The following CIBAR2 variants were observed in gnomAD, a reference collection of about 807,000 sequenced individuals.
CIBAR2 encodes CBY1 interacting BAR domain containing 2.
CIBAR2 carries 38 observed loss-of-function variants against 36.2 expected under a neutral mutation model. The observed-to-expected ratio is 1.05, with a 90% CI of 0.81 to 1.38. The LOEUF is 1.38. Ranked by LOEUF, CIBAR2 falls within the 40% of genes most tolerant of loss-of-function variation. The pLI, the probability that CIBAR2 is intolerant of heterozygous loss-of-function variation, is 0.00. For synonymous variants in CIBAR2, 182 were observed against 149.5 expected (o/e 1.22, Z -1.58); for missense variants, 481 against 383.4 (o/e 1.25, Z -2.13).
chr16:85,100,940 G>A (rs543267660), intron 7 of CIBAR2, among the ~76,000 whole-genome samples: 6 of 152,252 alleles, frequency 3.9e-5, no homozygotes, highest in African/African-American at 9.6e-5. Flanking sequence ...CCAGCTACTC[G>A]GGAGGCGGAG....
intron 2 of CIBAR2, among the ~76,000 whole-genome samples, chr16:85,108,864 G>T (rs1010347582): frequency 1.2e-4 from 19 of 152,084 alleles, no homozygotes; most frequent in African/African-American, 4.3e-4. Context: ...AACAGAGCGA[G>T]ACTCCATCTC....
Position 85,108,044 on chromosome 16 carries a change from A to C in CIBAR2, c.311T>G (p.Ile104Ser). 6.2e-7 allele frequency: 1 copy of C among 1,613,742 alleles called. No individual in the cohort carries two copies. Among genetic ancestry groups the C allele is most frequent in the Non-Finnish European group, 8.5e-7 (1 of 1,179,786 alleles). ...VNPLKLYGAQ[I>S]KQTRAEIKKF... Reference sequence around the variant, plus strand: ...GCCCCGGCTCACCCGTGTCTGCTTGATCTGTGCCCCGTAGAGCTTCAGGGG... The same window carrying C: ...GCCCCGGCTCACCCGTGTCTGCTTGCTCTGTGCCCCGTAGAGCTTCAGGGG... Residue 104 changes from isoleucine (I) to serine (S), a missense_variant, in exon 3 of 9, where the codon ATC (isoleucine) becomes AGC (serine). Ile to Ser is a moderately radical substitution (Grantham distance 142). Transcript: ENST00000539556.
chr16:85,100,188 A>G lies in CIBAR2; in HGVS notation c.704T>C (p.Leu235Pro). ...AGATGGAGGGGGGCTGGTGTTGGCAAGCAGCCGAGTGTCATAATGCCCATA... is the reference window on the plus strand; with the variant it reads ...AGATGGAGGGGGGCTGGTGTTGGCAGGCAGCCGAGTGTCATAATGCCCATA... ...GVYGHYDTRL[L>P]ANTSPPPSVL... The change falls in exon 8 of 9, where the codon CTT becomes CCT. Residue 235 changes from leucine (L) to proline (P), a missense_variant. Transcript: ENST00000539556. 1 of 1,611,746 alleles carries G rather than the reference A, an allele frequency of 6.2e-7. No individual in the cohort carries two copies. The highest frequency in any genetic ancestry group is 8.5e-7 in the Non-Finnish European group (1 of 1,179,272).
At chr16:85,112,063 A>T (rs937445511) in intron 1 of CIBAR2, among the ~76,000 whole-genome samples, 1 of 152,230 alleles carries the variant, frequency 6.6e-6, no homozygotes, top group Non-Finnish European at 1.5e-5. Flanking sequence ...GGAGGCGAGA[A>T]AGGAAAGGGG....
Position 85,100,473 on chromosome 16 carries a change from A to T in CIBAR2, c.652-233T>A, listed in dbSNP as rs1420648845. 4.6e-5 allele frequency among the ~76,000 whole-genome samples: 7 copies of T among 152,346 alleles called. No individual in the cohort carries two copies. In the East Asian group the frequency reaches 1.2e-3, roughly 25 times the overall value. On this transcript the variant is annotated intron_variant, in intron 7 of 8. Coordinates refer to ENST00000539556, the MANE Select transcript of CIBAR2 (RefSeq NM_198491.3). ...TGGGAGAGGCCCAGAGAGGCCAGGTAACATGACCATCGTCACACAGGATAA... is the reference window on the plus strand; with the variant it reads ...TGGGAGAGGCCCAGAGAGGCCAGGTTACATGACCATCGTCACACAGGATAA...
chr16:85,098,444 C>T lies in CIBAR2; in HGVS notation c.*741G>A. 1 of 767,868 alleles carries T rather than the reference C, an allele frequency of 1.3e-6. No individual in the cohort carries two copies. The highest frequency in any genetic ancestry group is 1.6e-6 in the Non-Finnish European group (1 of 630,666). The allele number at this position is 767,868 out of a possible 1,614,324, so 47.6% of individuals were successfully genotyped here. A position where few individuals can be genotyped will look rare whatever the true frequency, so the allele number is the denominator to read the frequency against. ...CAACCTGTGAAGTGAGTGATATTGGCCCTGTTGTACAGATGAGGAAACTGA... is the reference window on the plus strand; with the variant it reads ...CAACCTGTGAAGTGAGTGATATTGGTCCTGTTGTACAGATGAGGAAACTGA... On this transcript the variant is annotated 3_prime_UTR_variant, in exon 9 of 9. Transcript: ENST00000539556.
At chr16:85,105,285 A>G (rs540844920) in intron 6 of CIBAR2, 42 bp downstream of exon 6, 2 of 1,243,564 alleles carry the variant, frequency 1.6e-6, no homozygotes, top group East Asian at 2.3e-5. Context: ...CACACACACA[A>G]GGCAGCCCAG....
Position 85,112,424 on chromosome 16 carries a change from A to G in CIBAR2, c.-72T>C. On this transcript the variant is annotated 5_prime_UTR_variant, in exon 1 of 9. Coordinates refer to ENST00000539556, the MANE Select transcript of CIBAR2 (RefSeq NM_198491.3). ...GCCCCAGGGGTCCTGCAGGCCTGGG[A>G]GGAGCCGGGCAGGGCTGGGTGCAGC... is the stretch of plus-strand genomic sequence containing the variant. 1 of 1,489,092 alleles carries G rather than the reference A, an allele frequency of 6.7e-7. No homozygotes were observed. The highest frequency in any genetic ancestry group is 9.4e-7 in the Non-Finnish European group (1 of 1,066,900). 92.2% of individuals were successfully genotyped at this position (1,489,092 alleles called of 1,614,324 possible). A position where few individuals can be genotyped will look rare whatever the true frequency, so the allele number is the denominator to read the frequency against.
chr16:85,112,359 C>G lies in CIBAR2; in HGVS notation c.-7G>C, dbSNP rs2074050021. On this transcript the variant is annotated 5_prime_UTR_variant, in exon 1 of 9. Coordinates refer to ENST00000539556, the MANE Select transcript of CIBAR2 (RefSeq NM_198491.3). ...TGGAGAAGACGATGTTCATTGTGAC[C>G]AGAGCTTTGGCTGTCCCGGTGCTGG... The G allele has an allele frequency of 6.2e-7, 1 of 1,613,884 alleles. No homozygotes were observed. Among genetic ancestry groups the G allele is most frequent in the African/African-American group, 1.3e-5 (1 of 74,934 alleles).
intron 8 of CIBAR2, among the ~76,000 whole-genome samples, chr16:85,099,660 G>A (rs930877379): frequency 6.7e-6 from 1 of 149,456 alleles, no homozygotes; most frequent in Non-Finnish European, 1.5e-5. Context: ...GTCTCGCTCT[G>A]TAACCCGGGC....
intron 1 of CIBAR2, 127 bp from the exon 2 acceptor site, chr16:85,110,587 C>T: frequency 1.6e-6 from 1 of 636,318 alleles, no homozygotes; most frequent in South Asian, 2.1e-5. Flanking sequence ...CACGCACATG[C>T]CACAGGCTGT....
At chr16:85,100,540 G>A (rs1361545585) in intron 7 of CIBAR2, among the ~76,000 whole-genome samples, 1 of 150,294 alleles carries the variant, frequency 6.7e-6, no homozygotes, top group Non-Finnish European at 1.5e-5. Flanking sequence ...AAAGAATATT[G>A]TGAAGTGAGT....
At chr16:85,107,538 T>C in intron 5 of CIBAR2, 129 bp downstream of exon 5, 1 of 1,030,934 alleles carries the variant, frequency 9.7e-7, no homozygotes, top group Non-Finnish European at 1.5e-6. Context: ...ACCTTTGGCT[T>C]TCCCAACCTG....
chr16:85,099,211 G>T lies in CIBAR2; in HGVS notation c.889C>A (p.Leu297Ile). 1 of 1,599,072 alleles carries T rather than the reference G, an allele frequency of 6.3e-7. No homozygotes were observed. Among genetic ancestry groups the T allele is most frequent in the Non-Finnish European group, 8.5e-7 (1 of 1,173,468 alleles). Residue 297 changes from leucine to isoleucine, a missense_variant, in exon 9 of 9, where the codon CTC (leucine) becomes ATC (isoleucine). Coordinates refer to ENST00000539556, the MANE Select transcript of CIBAR2 (RefSeq NM_198491.3). Reference protein sequence around the residue: ...AHCVCGQGGHLMLPGHSL With the variant: ...AHCVCGQGGHIMLPGHSL ...TAGAGAGAATGTCCTGGAAGCATGA[G>T]ATGCCCACCCTGCCCACACACACAG...
intron 8 of CIBAR2, 87 bp from the exon 9 acceptor site, chr16:85,099,433 C>G: frequency 1.3e-6 from 1 of 789,540 alleles, no homozygotes; most frequent in Non-Finnish European, 2.2e-6. Context: ...CCTCCCTAAC[C>G]TCTGAGGAAC....
At position 85,099,176 on chromosome 16, in the gene CIBAR2, C is replaced by G; in HGVS notation, c.*9G>C. On this transcript the variant is annotated 3_prime_UTR_variant, in exon 9 of 9. Coordinates refer to ENST00000539556, the MANE Select transcript of CIBAR2 (RefSeq NM_198491.3). Reference sequence around the variant, plus strand: ...TTAAACGGCTTGGGATTGCACTTACCCTACGTCGTTAGAGAGAATGTCCTG... The same window carrying G: ...TTAAACGGCTTGGGATTGCACTTACGCTACGTCGTTAGAGAGAATGTCCTG... The G allele has an allele frequency of 6.4e-7, 1 of 1,551,230 alleles. No individual in the cohort carries two copies. Among genetic ancestry groups the G allele is most frequent in the Non-Finnish European group, 8.7e-7 (1 of 1,151,028 alleles).
intron 4 of CIBAR2, 52 bp from the exon 5 acceptor site, chr16:85,107,724 G>C: frequency 1.2e-6 from 2 of 1,611,814 alleles, no homozygotes; most frequent in Non-Finnish European, 1.7e-6. Flanking sequence ...GCCCCGTTGG[G>C]GTGGTCCGCC....
intron 1 of CIBAR2, among the ~76,000 whole-genome samples, chr16:85,111,622 G>C (rs1257598724): frequency 6.6e-6 from 1 of 152,232 alleles, no homozygotes; most frequent in Non-Finnish European, 1.5e-5. Context: ...GAGGTGTGCA[G>C]ATTGCCTGAG....
intron 7 of CIBAR2, 128 bp downstream of exon 7, chr16:85,102,086 T>A (rs2073959800): frequency 3.2e-6 from 2 of 623,156 alleles, no homozygotes; most frequent in African/African-American, 3.7e-5. Context: ...CAACGCTTCA[T>A]CAGCATGAGT....
Sources: gnomAD v4.1 joint callset for allele counts (sites outside exome capture counted in the v4.1 genomes callset) on GRCh38, gnomAD v4.1.1 for gene constraint, MANE v1.5 for transcripts, NCBI Gene and HGNC (gene_info 2026-07-23, HGNC 2026-07-21) for gene names.